Variants in PLCB1 observed in about 807,000 individuals in gnomAD.
PLCB1 encodes phospholipase C beta 1.
Under a neutral mutation model 161.8 loss-of-function variants are expected in PLCB1, and 46 were observed. That is an observed-to-expected ratio of 0.28 (90% CI 0.22 to 0.36). The LOEUF (loss-of-function observed/expected upper bound fraction) is 0.36, where lower values mean the gene tolerates loss of function less well. PLCB1 is among the 10% of genes least tolerant of loss of function. PLCB1 has a pLI of 1.00. For synonymous variants in PLCB1, 517 were observed against 503.7 expected (o/e 1.03, Z -0.35); for missense variants, 1,016 against 1,472.5 (o/e 0.69, Z 5.07).
At position 8,519,443 on chromosome 20, in the gene PLCB1, G is replaced by A. The variant is rs369400724; in HGVS notation, c.247-108851G>A. 2.0e-5 allele frequency among the ~76,000 whole-genome samples: 3 copies of A among 152,092 alleles called. 1 individual carries two copies. The highest frequency in any genetic ancestry group is 7.2e-5 in the African/African-American group (3 of 41,498). On this transcript the variant is annotated intron_variant, in intron 3 of 31. Transcript: ENST00000338037. ...CAAGGATGGGGATGAGGAAGTAGGA[G>A]GTACAAAATACAAAACGAAACAAAG...
chr20:8,608,247 G>A (rs1479911999), intron 3 of PLCB1, among the ~76,000 whole-genome samples: 1 of 152,102 alleles, frequency 6.6e-6, no homozygotes, highest in Admixed American at 6.6e-5. Context: ...TAAATAATAT[G>A]TGTAACTTAA....
chr20:8,246,534 A>C (rs2123214240), intron 2 of PLCB1, among the ~76,000 whole-genome samples: 1 of 152,086 alleles, frequency 6.6e-6, no homozygotes, highest in Non-Finnish European at 1.5e-5. Flanking sequence ...CAAGTCACAA[A>C]GTGATCTCAG....
At chr20:8,717,535 T>G in intron 13 of PLCB1, 136 bp from the exon 14 acceptor site, 2 of 599,892 alleles carry the variant, frequency 3.3e-6, no homozygotes, top group East Asian at 5.5e-5. Context: ...TAAGATACAC[T>G]AAGAGTTTAA....
At chr20:8,510,913 G>A (rs1983858562) in intron 3 of PLCB1, among the ~76,000 whole-genome samples, 1 of 152,110 alleles carries the variant, frequency 6.6e-6, no homozygotes, top group Admixed American at 6.5e-5. Flanking sequence ...ACAATGTGAT[G>A]CTATGTGTAT....
chr20:8,758,466 C>T (rs1467958425), intron 24 of PLCB1, among the ~76,000 whole-genome samples: 1 of 151,892 alleles, frequency 6.6e-6, no homozygotes, highest in African/African-American at 2.4e-5. Flanking sequence ...CCTGTAGTTC[C>T]AGCAACTCAG....
intron 2 of PLCB1, among the ~76,000 whole-genome samples, chr20:8,212,923 ATT>A (rs11468623): frequency 0.018 from 2,759 of 150,966 alleles, 105 homozygotes; most frequent in African/African-American, 0.063. Context: ...GACATTGTAG[ATT>A]TTTTTTTTCT....
intron 26 of PLCB1, among the ~76,000 whole-genome samples, chr20:8,773,433 A>G (rs1298438539): frequency 1.3e-5 from 2 of 152,254 alleles, no homozygotes; most frequent in African/African-American, 4.8e-5. Context: ...ACCATAAGTT[A>G]ATGATAATTA....
At chr20:8,234,850 A>G (rs1394250279) in intron 2 of PLCB1, among the ~76,000 whole-genome samples, 1 of 152,114 alleles carries the variant, frequency 6.6e-6, no homozygotes, top group Non-Finnish European at 1.5e-5. Flanking sequence ...TCTTTTTGCC[A>G]TGATGCTAAC....
intron 13 of PLCB1, among the ~76,000 whole-genome samples, chr20:8,717,031 T>A (rs567758190): frequency 4.4e-4 from 67 of 152,310 alleles, no homozygotes; most frequent in Non-Finnish European, 7.2e-4. Context: ...TGATACAATA[T>A]CTAATGACCC....
intron 29 of PLCB1, 71 bp downstream of exon 29, chr20:8,788,793 A>G (rs1983613744): frequency 1.0e-6 from 1 of 985,648 alleles, no homozygotes; most frequent in South Asian, 1.5e-5. Context: ...TCAGAGTCAC[A>G]GGTTCATAAC....
intron 3 of PLCB1, among the ~76,000 whole-genome samples, chr20:8,617,480 G>T (rs1250519293): frequency 6.6e-6 from 1 of 151,984 alleles, no homozygotes; most frequent in Non-Finnish European, 1.5e-5. Context: ...GATCATCAGG[G>T]TGGCTTGAAA....
chr20:8,593,994 C>G (rs190860061), intron 3 of PLCB1, among the ~76,000 whole-genome samples: 1 of 152,232 alleles, frequency 6.6e-6, no homozygotes, highest in Non-Finnish European at 1.5e-5. Flanking sequence ...AAGTGATCCT[C>G]CACCCTCAGC....
intron 2 of PLCB1, among the ~76,000 whole-genome samples, chr20:8,164,354 G>T (rs1008482947): frequency 6.6e-6 from 1 of 152,168 alleles, no homozygotes; most frequent in Non-Finnish European, 1.5e-5. Flanking sequence ...AACCAATGTA[G>T]TCCACCCTTT....
At chr20:8,872,501 TAGG>T (rs894501963) in intron 31 of PLCB1, among the ~76,000 whole-genome samples, 6 of 152,248 alleles carry the variant, frequency 3.9e-5, no homozygotes, top group African/African-American at 1.4e-4. Context: ...TCATGTTTTC[TAGG>T]AGTTGTTTGT....
At chr20:8,629,921 C>T (rs1988506369) in intron 4 of PLCB1, among the ~76,000 whole-genome samples, 1 of 140,474 alleles carries the variant, frequency 7.1e-6, no homozygotes. Flanking sequence ...TCCTTTCTTT[C>T]CTCTCTTCTT....
At chr20:8,485,448 C>A (rs914031631) in intron 3 of PLCB1, among the ~76,000 whole-genome samples, 4 of 152,214 alleles carry the variant, frequency 2.6e-5, no homozygotes, top group Non-Finnish European at 5.9e-5. Flanking sequence ...TTAAATATGT[C>A]TTCTTATTCT....
Position 8,332,324 on chromosome 20 carries a change from A to G in PLCB1, c.178-39058A>G, listed in dbSNP as rs187792241. 4.6e-5 allele frequency among the ~76,000 whole-genome samples: 7 copies of G among 152,346 alleles called. No homozygotes were observed. The East Asian group carries it at 7.7e-4, about 17-fold the overall frequency. Reference sequence around the variant, plus strand: ...AAATTGAGCAAATTTGCCAAAGTCAATGACAGATTTTATTTGTTCCTTGCA... The same window carrying G: ...AAATTGAGCAAATTTGCCAAAGTCAGTGACAGATTTTATTTGTTCCTTGCA... On this transcript the variant is annotated intron_variant, in intron 2 of 31. Coordinates refer to ENST00000338037, the MANE Select transcript of PLCB1 (RefSeq NM_015192.4).
chr20:8,805,423 T>C (rs1360841843), intron 31 of PLCB1, among the ~76,000 whole-genome samples: 1 of 152,240 alleles, frequency 6.6e-6, no homozygotes, highest in Non-Finnish European at 1.5e-5. Flanking sequence ...CAAGTAATTA[T>C]TAATGCCTGC....
chr20:8,276,732 G>A (rs1982564409), intron 2 of PLCB1, among the ~76,000 whole-genome samples: 1 of 152,034 alleles, frequency 6.6e-6, no homozygotes, highest in Non-Finnish European at 1.5e-5. Context: ...TAGGCCTCGA[G>A]TGCATCCTTT....
Sources: gnomAD v4.1 joint callset for allele counts (sites outside exome capture counted in the v4.1 genomes callset) on GRCh38, gnomAD v4.1.1 for gene constraint, MANE v1.5 for transcripts, NCBI Gene and HGNC (gene_info 2026-07-23, HGNC 2026-07-21) for gene names.